SLFN11: variants seen among roughly 807,000 people sequenced by gnomAD.
SLFN11 encodes schlafen family member 11.
In SLFN11, 43 loss-of-function variants were observed where a neutral mutation model predicts 53.4. The observed-to-expected ratio is 0.80, with a 90% CI of 0.63 to 1.04. SLFN11 has a LOEUF of 1.04. Among genes scored for constraint, SLFN11 ranks in the 50% least tolerant of loss-of-function variants. The probability of loss-of-function intolerance (pLI) is 0.00; values close to 1 mark genes in which losing one functional copy is unlikely to be tolerated. For synonymous variants in SLFN11, 389 were observed against 394.7 expected (o/e 0.99, Z 0.17); for missense variants, 990 against 1,079.1 (o/e 0.92, Z 1.16).
rs747732662 is a variant in SLFN11, at chr17:35,363,268, C to T, written c.540G>A (p.Ser180=). The T allele has an allele frequency of 7.0e-5, 113 of 1,613,832 alleles. 1 individual carries two copies. Among genetic ancestry groups the T allele is most frequent in the Non-Finnish European group, 9.0e-5 (106 of 1,179,990 alleles). The change falls in exon 4 of 7, where the codon TCG becomes TCA. Residue 180 remains serine (S), a synonymous_variant. Coordinates refer to ENST00000685675, the MANE Select transcript of SLFN11 (RefSeq NM_001376007.1). ...HKGVYQELPN[S]DPADPNSDPA... ...GATCCGAGTTTGGGTCAGCAGGATCCGAGTTAGGGAGCTCTTGGTATACAC... is the reference window on the plus strand; with the variant it reads ...GATCCGAGTTTGGGTCAGCAGGATCTGAGTTAGGGAGCTCTTGGTATACAC...
At position 35,369,072 on chromosome 17, in the gene SLFN11, G is replaced by T. The variant is rs767037397; in HGVS notation, c.-234-1372C>A. ...GACTCAGCACAACCCCAGCTGTGGT[G>T]CATACAGGCAGAGACTCTTTCTGCT... On this transcript the variant is annotated intron_variant, in intron 1 of 6. Transcript: ENST00000685675. 2.6e-4 allele frequency among the ~76,000 whole-genome samples: 39 copies of T among 152,078 alleles called. 1 individual carries two copies. The highest frequency in any genetic ancestry group is 5.1e-4 in the Non-Finnish European group (35 of 68,014).
intron 1 of SLFN11, among the ~76,000 whole-genome samples, chr17:35,368,639 G>A (rs9747617): frequency 0.028 from 4,225 of 152,124 alleles, 192 homozygotes; most frequent in African/African-American, 0.096. Flanking sequence ...GAGGGCACAC[G>A]ACCTACTGAG....
intron 5 of SLFN11, among the ~76,000 whole-genome samples, chr17:35,354,878 A>G (rs1907267791): frequency 6.6e-6 from 1 of 152,094 alleles, no homozygotes; most frequent in Non-Finnish European, 1.5e-5. Flanking sequence ...GAAATTACCC[A>G]GATTTTATTG....
chr17:35,365,437 A>G (rs1250609464), intron 3 of SLFN11, among the ~76,000 whole-genome samples: 1 of 144,546 alleles, frequency 6.9e-6, no homozygotes, highest in Non-Finnish European at 1.5e-5. Context: ...GCGCACAGCC[A>G]CTATACCCAG....
intron 3 of SLFN11, among the ~76,000 whole-genome samples, chr17:35,366,600 A>C (rs1484777140): frequency 6.6e-6 from 1 of 152,176 alleles, no homozygotes; most frequent in East Asian, 1.9e-4. Context: ...ATGTAGAAGC[A>C]GACTATCACA....
chr17:35,354,041 C>A lies in SLFN11; in HGVS notation c.1217G>T (p.Arg406Leu). Residue 406 changes from arginine (R) to leucine (L), a missense_variant, in exon 6 of 7, where the codon CGA becomes CTA. Coordinates refer to ENST00000685675, the MANE Select transcript of SLFN11 (RefSeq NM_001376007.1). ...LLFSVPPGYL[R>L]YTPESLWRDL... Reference sequence around the variant, plus strand: ...CCTCCAGAGTGACTCTGGAGTATATCGCAAATATCCTGGTGGGACTGTATG... The same window carrying A: ...CCTCCAGAGTGACTCTGGAGTATATAGCAAATATCCTGGTGGGACTGTATG... 18 of 1,609,446 alleles carry A rather than the reference C, an allele frequency of 1.1e-5. No homozygotes were observed. The highest frequency in any genetic ancestry group is 1.5e-5 in the Non-Finnish European group (18 of 1,177,412).
At chr17:35,369,931 A>G (rs899336353) in intron 1 of SLFN11, among the ~76,000 whole-genome samples, 1 of 152,140 alleles carries the variant, frequency 6.6e-6, no homozygotes, top group Non-Finnish European at 1.5e-5. Context: ...ATTCTACCAA[A>G]CAGTTAAAGA....
chr17:35,362,814 AT>A lies in SLFN11; in HGVS notation c.993del (p.Trp332GlyfsTer2). 1 of 1,612,822 alleles carries A rather than the reference AT, an allele frequency of 6.2e-7. No homozygotes were observed. The highest frequency in any genetic ancestry group is 8.5e-7 in the Non-Finnish European group (1 of 1,179,426). The part of the protein sequence containing the change: ...CCAVFSEAPN[S>X]WIVEDKYVCS... ...CAGACGTACTTGTCCTCCACTATCC[AT>A]GAATTGGGAGCTTCTGAGAACACTG... On this transcript the variant is annotated frameshift_variant, in exon 4 of 7. Transcript: ENST00000685675. LOFTEE classifies it high-confidence loss of function.
At chr17:35,354,458 G>A (rs1163201968) in intron 5 of SLFN11, among the ~76,000 whole-genome samples, 1 of 152,180 alleles carries the variant, frequency 6.6e-6, no homozygotes, top group Admixed American at 6.5e-5. Flanking sequence ...ATCTCAAAAT[G>A]CCCCATTGCT....
intron 5 of SLFN11, among the ~76,000 whole-genome samples, chr17:35,359,503 T>C (rs1907930338): frequency 1.3e-5 from 2 of 152,092 alleles, no homozygotes; most frequent in African/African-American, 4.8e-5. Context: ...TTTAAGCAAG[T>C]GGTTTTCCCT....
At chr17:35,358,439 A>G (rs1267990726) in intron 5 of SLFN11, among the ~76,000 whole-genome samples, 1 of 151,486 alleles carries the variant, frequency 6.6e-6, no homozygotes, top group African/African-American at 2.4e-5. Flanking sequence ...GCCAATTAAT[A>G]TTACATTGTA....
Position 35,366,998 on chromosome 17 carries a change from C to G in SLFN11, c.-71G>C, listed in dbSNP as rs910419416. 6.7e-6 allele frequency: 1 copy of G among 150,354 alleles called. No individual in the cohort carries two copies. The highest frequency in any genetic ancestry group is 2.5e-5 in the African/African-American group (1 of 40,780). The allele number at this position is 150,354 out of a possible 1,614,324, so 9.3% of individuals were successfully genotyped here. ...GAGGTGAGAGAATCACCTGAGCCTT[C>G]GAGACGAGATTGTGGTGAACCAAGA... On this transcript the variant is annotated 5_prime_UTR_variant, in exon 3 of 7. Transcript: ENST00000685675.
Position 35,363,045 on chromosome 17 carries a change from T to C in SLFN11, c.763A>G (p.Arg255Gly). The change falls in exon 4 of 7, where the codon AGG becomes GGG. Residue 255 changes from arginine to glycine, a missense_variant. Around this residue, in one of 3 missense-constraint regions of SLFN11, gnomAD observed 521 missense variants for 516.2 expected, o/e 1.01. Coordinates refer to ENST00000685675, the MANE Select transcript of SLFN11 (RefSeq NM_001376007.1). Reference protein sequence around the residue: ...YLFIGVDDKSREVLGCAKENV... With the variant: ...YLFIGVDDKSGEVLGCAKENV... ...TCTTTTGCACATCCCAGGACTTCCCTACTCTTATCATCCACTCCAATAAAA... is the reference window on the plus strand; with the variant it reads ...TCTTTTGCACATCCCAGGACTTCCCCACTCTTATCATCCACTCCAATAAAA... The C allele has an allele frequency of 6.2e-7, 1 of 1,614,078 alleles. No individual in the cohort carries two copies. The highest frequency in any genetic ancestry group is 1.3e-5 in the African/African-American group (1 of 75,052).
At chr17:35,364,931 A>C (rs1455709085) in intron 3 of SLFN11, among the ~76,000 whole-genome samples, 1 of 152,124 alleles carries the variant, frequency 6.6e-6, no homozygotes, top group Non-Finnish European at 1.5e-5. Context: ...AGGTAAAAAG[A>C]AATGTAGCTG....
In SLFN11 at chr17:35,357,227, C is replaced by T. The variant is rs1363962429; in HGVS notation, c.1198+3016G>A. 2.0e-5 allele frequency among the ~76,000 whole-genome samples: 3 copies of T among 151,246 alleles called. No homozygotes were observed. The East Asian group carries it at 5.8e-4, about 29-fold the overall frequency. ...GCTCTTTATATATTAGAGACACTGG[C>T]CCTTTGGTTGTGATACGGGTTGCAA... On this transcript the variant is annotated intron_variant, in intron 5 of 6. Transcript: ENST00000685675.
chr17:35,369,279 C>G (rs1351143721), intron 1 of SLFN11, among the ~76,000 whole-genome samples: 1 of 152,066 alleles, frequency 6.6e-6, no homozygotes, highest in Non-Finnish European at 1.5e-5. Flanking sequence ...CACCAGTTGA[C>G]TAAAGAGCCC....
intron 3 of SLFN11, 88 bp from the exon 4 acceptor site, chr17:35,363,914 A>C (rs1434419923): frequency 2.5e-5 from 26 of 1,050,978 alleles, no homozygotes; most frequent in Non-Finnish European, 3.5e-5. Flanking sequence ...GAGAGAAGAC[A>C]ATAGACTAGC....
In SLFN11 at chr17:35,353,583, G is replaced by A. The variant is rs2141926833; in HGVS notation, c.1675C>T (p.Leu559Phe). The change falls in exon 6 of 7, where the codon CTC becomes TTC. Residue 559 changes from leucine (L) to phenylalanine (F), a missense_variant. Physicochemically the swap from Leu to Phe is conservative, Grantham distance 22. Coordinates refer to ENST00000685675, the MANE Select transcript of SLFN11 (RefSeq NM_001376007.1). ...TCACTCAAGAGAGACCTGAAGCCGA[G>A]TAAGACAATCACGAGGGACTGCAGC... is the stretch of plus-strand genomic sequence containing the variant. ...ALLQSLVIVL[L>F]GFRSLLSDQL... 2 of 1,222,388 alleles carry A rather than the reference G, an allele frequency of 1.6e-6. No individual in the cohort carries two copies. The highest frequency in any genetic ancestry group is 3.4e-5 in the African/African-American group (2 of 58,456). The allele number at this position is 1,222,388 out of a possible 1,614,324, so 75.7% of individuals were successfully genotyped here.
chr17:35,363,202 A>G lies in SLFN11; in HGVS notation c.606T>C (p.Gly202=). Residue 202 remains glycine, a synonymous_variant, in exon 4 of 7, where the codon GGT becomes GGC. Transcript: ENST00000685675. ...LIFQKDYLEY[G]EILPFPESQL... is the part of the protein sequence containing the mutation. Reference sequence around the variant, plus strand: ...GAGACTCAGGAAAAGGCAGGATTTCACCATATTCAAGATAGTCTTTTTGGA... The same window carrying G: ...GAGACTCAGGAAAAGGCAGGATTTCGCCATATTCAAGATAGTCTTTTTGGA... 6.2e-7 allele frequency: 1 copy of G among 1,614,076 alleles called. No individual in the cohort carries two copies. Among genetic ancestry groups the G allele is most frequent in the Non-Finnish European group, 8.5e-7 (1 of 1,180,002 alleles).
Sources: allele counts gnomAD v4.1 joint callset (sites outside exome capture counted in the v4.1 genomes callset), GRCh38; gene constraint gnomAD v4.1.1; regional missense constraint gnomAD v4.1.1; transcripts MANE v1.5; gene names NCBI Gene and HGNC (gene_info 2026-07-23, HGNC 2026-07-21).